MAP4: variants seen among roughly 807,000 people sequenced by gnomAD.
The protein encoded by MAP4 is microtubule associated protein 4.
MAP4 carries 76 observed loss-of-function variants against 170.2 expected under a neutral mutation model. The ratio of observed to expected loss-of-function variants is 0.45; its 90% confidence interval spans 0.37 to 0.54. The LOEUF is 0.54. Among genes scored for constraint, MAP4 ranks in the 20% least tolerant of loss-of-function variants. The probability of loss-of-function intolerance (pLI) is 0.00; values close to 1 mark genes in which losing one functional copy is unlikely to be tolerated. For missense variants in MAP4, 2,506 were observed against 2,748.0 expected, an observed-to-expected ratio of 0.91 and a Z score of 1.97; for synonymous variants, 909 against 994.5, an observed-to-expected ratio of 0.91 and a Z score of 1.62.
Position 47,877,461 on chromosome 3 carries a change from G to C in MAP4, c.5497C>G (p.Pro1833Ala). ...CTTGGTGGGAGCTCCTTGTTCGGTG[G>C]GGTGGTGATGTCATTTCCTGTCCCA... ...VSGTGNDITT[P>A]PNKELPPSPE... Residue 1833 changes from proline to alanine, a missense_variant, in exon 11 of 21, where the codon CCA becomes GCA. Physicochemically the swap from Pro to Ala is conservative, Grantham distance 27. This residue lies in a region of MAP4 where 2,008 missense variants were observed against 2,206.0 expected (regional missense o/e 0.91). Coordinates refer to ENST00000683076, the MANE Select transcript of MAP4 (RefSeq NM_001385682.1). 6.2e-7 allele frequency: 1 copy of C among 1,614,002 alleles called. No individual in the cohort carries two copies. Among genetic ancestry groups the C allele is most frequent in the Non-Finnish European group, 8.5e-7 (1 of 1,179,970 alleles).
intron 1 of MAP4, among the ~76,000 whole-genome samples, chr3:48,070,259 C>T (rs2100140304): frequency 6.6e-6 from 1 of 151,630 alleles, no homozygotes; most frequent in African/African-American, 2.4e-5. Context: ...GAACTCCTGG[C>T]CTCAAGTGAT....
chr3:47,944,053 T>TGTAA (rs2100058167), intron 3 of MAP4, among the ~76,000 whole-genome samples: 1 of 152,114 alleles, frequency 6.6e-6, no homozygotes, highest in African/African-American at 2.4e-5. Context: ...GGCTCACGCC[T>TGTAA]GTAATCTCAG....
At position 47,871,767 on chromosome 3, in the gene MAP4, G is replaced by T. The variant is rs1278930830; in HGVS notation, c.5941+150C>A. 6 of 676,096 alleles carry T rather than the reference G, an allele frequency of 8.9e-6. No homozygotes were observed. In the African/African-American group the frequency reaches 1.1e-4, roughly 12 times the overall value. The allele number at this position is 676,096 out of a possible 1,614,324, so 41.9% of individuals were successfully genotyped here. A position where few individuals can be genotyped will look rare whatever the true frequency, so the allele number is the denominator to read the frequency against. ...GCTTGTTAAGTACCAGGCCCACAGG[G>T]CTACCACTGTTCCAGGTAGTCCACT... is the stretch of plus-strand genomic sequence containing the variant. On this transcript the variant is annotated intron_variant, in intron 13 of 20. Coordinates refer to ENST00000683076, the MANE Select transcript of MAP4 (RefSeq NM_001385682.1).
At chr3:47,953,385 A>T (rs1458697927) in intron 3 of MAP4, among the ~76,000 whole-genome samples, 3 of 152,022 alleles carry the variant, frequency 2.0e-5, no homozygotes, top group Non-Finnish European at 4.4e-5. Flanking sequence ...AACCAGGCAC[A>T]GTGTCACATG....
rs555903825 is a variant in MAP4, at chr3:48,086,565, G to A, written c.-20+2208C>T. ...GTGGCAGGAGAACTGCTTGAACTCC[G>A]GAGGTAGAGTCTGCAGTGAGCCGAG... On this transcript the variant is annotated intron_variant, in intron 1 of 18. Transcript: ENST00000360240. Among the ~76,000 whole-genome samples, 57 of 152,298 alleles carry A rather than the reference G, an allele frequency of 3.7e-4. No individual in the cohort carries two copies. In the South Asian group the frequency reaches 0.011, roughly 29 times the overall value.
In MAP4 at chr3:47,910,108, G is replaced by A; in HGVS notation, c.4313C>T (p.Ala1438Val). 6.2e-7 allele frequency: 1 copy of A among 1,613,966 alleles called. No homozygotes were observed. Among genetic ancestry groups the A allele is most frequent in the Non-Finnish European group, 8.5e-7 (1 of 1,179,874 alleles). The stretch of plus-strand genomic sequence containing the variant: ...AGGAGTGGGCAGTTTTTCACAGGCT[G>A]CTGATTCCAGAACCTCTAGAGGAGA... ...KSSPLEVLES[A>V]ACEKLPTPTP... Residue 1438 changes from alanine to valine, a missense_variant, in exon 9 of 21, where the codon GCA (alanine) becomes GTA (valine). Physicochemically the swap from Ala to Val is moderately conservative, Grantham distance 64. Transcript: ENST00000683076.
rs9844808 is a variant in MAP4 at position 48,029,859 on chromosome 3, G to A, written c.-19-30980C>T. 8.5e-3 allele frequency among the ~76,000 whole-genome samples: 1,293 copies of A among 151,566 alleles called. 18 individuals carry two copies. Among genetic ancestry groups the A allele is most frequent in the South Asian group, 0.033 (156 of 4,784 alleles). ...TTAAAATACAAAAAATTAGCTGGGC[G>A]TGGTGGCATGCACCTGTAGTCCCAG... On this transcript the variant is annotated intron_variant, in intron 1 of 18. Transcript: ENST00000360240.
upstream of MAP4, among the ~76,000 whole-genome samples, chr3:48,019,700 C>A (rs898140356): frequency 2.0e-5 from 3 of 152,182 alleles, no homozygotes; most frequent in African/African-American, 7.2e-5. Flanking sequence ...GCCTGGGCAA[C>A]ACAGTTGAGA....
chr3:48,023,409 CA>C (rs1559809431), intron 1 of MAP4, among the ~76,000 whole-genome samples: 1 of 151,888 alleles, frequency 6.6e-6, no homozygotes, highest in African/African-American at 2.4e-5. Context: ...CAAGAAAGAA[CA>C]AAAAAGGAGA....
intron 1 of MAP4, among the ~76,000 whole-genome samples, chr3:48,080,372 A>T (rs1222656035): frequency 6.6e-6 from 1 of 152,222 alleles, no homozygotes; most frequent in African/African-American, 2.4e-5. Context: ...GAGGAGGAAG[A>T]AGTCCAGAAA....
intron 3 of MAP4, among the ~76,000 whole-genome samples, chr3:47,929,627 CAAAAAAAAAA>C (rs71070242): frequency 8.0e-4 from 9 of 11,206 alleles, no homozygotes; most frequent in South Asian, 8.4e-3. Context: ...ACTTATTATG[CAAAAAAAAAA>C]AAAAAAAAAA....
chr3:47,856,106 A>AG (rs985628455), intron 18 of MAP4, among the ~76,000 whole-genome samples: 36 of 152,166 alleles, frequency 2.4e-4, no homozygotes, highest in Non-Finnish European at 4.9e-4. Context: ...ACCAAGGGGA[A>AG]GGGTGCGGGA....
chr3:47,854,338 A>AC (rs1036299821), intron 19 of MAP4, among the ~76,000 whole-genome samples: 2 of 151,638 alleles, frequency 1.3e-5, no homozygotes, highest in African/African-American at 2.4e-5. Flanking sequence ...GGCAGCAAGG[A>AC]CCCCCCCAGA....
intron 1 of MAP4, among the ~76,000 whole-genome samples, chr3:48,038,348 T>G (rs886183917): frequency 6.6e-6 from 1 of 151,524 alleles, no homozygotes; most frequent in African/African-American, 2.4e-5. Flanking sequence ...TTTATCACCA[T>G]CCATGGCAAA....
Position 47,853,233 on chromosome 3 carries a change from G to A in MAP4, c.6816C>T (p.Gly2272=), listed in dbSNP as rs1170928435. The change falls in exon 20 of 21, where the codon GGC becomes GGT. Residue 2272 remains glycine (G), a synonymous_variant. Coordinates refer to ENST00000683076, the MANE Select transcript of MAP4 (RefSeq NM_001385682.1). ...GAPTSASGLN[G]HPTLSGGGDQ... Reference sequence around the variant, plus strand: ...CACCACCCCCTGACAGGGTGGGGTGGCCATTGAGGCCACTGGCTGAAGTGG... The same window carrying A: ...CACCACCCCCTGACAGGGTGGGGTGACCATTGAGGCCACTGGCTGAAGTGG... 1.9e-6 allele frequency: 3 copies of A among 1,582,524 alleles called. No individual in the cohort carries two copies. The highest frequency in any genetic ancestry group is 2.6e-6 in the Non-Finnish European group (3 of 1,162,840).
At chr3:47,952,332 C>A (rs1437892184) in intron 3 of MAP4, among the ~76,000 whole-genome samples, 4 of 152,044 alleles carry the variant, frequency 2.6e-5, no homozygotes, top group African/African-American at 9.7e-5. Context: ...GCCCGGCCGC[C>A]CCTACTGGGA....
intron 1 of MAP4, among the ~76,000 whole-genome samples, chr3:48,014,039 T>C (rs1282574028): frequency 6.6e-6 from 1 of 152,130 alleles, no homozygotes; most frequent in African/African-American, 2.4e-5. Context: ...GATGATAAAA[T>C]ACTCTCTTGA....
chr3:48,062,494 T>TAAAAAAAAA lies in MAP4; in HGVS notation c.-20+26270_-20+26278dup, dbSNP rs1156947592. Reference sequence around the variant, plus strand: ...GCGAGAAACACCCAAGAATGATCAATAAAAAAAAAAAAAAAAAAAAAAACA... The same window carrying TAAAAAAAAA: ...GCGAGAAACACCCAAGAATGATCAATAAAAAAAAAAAAAAAAAAAAAAAAAAAAAAAACA... On this transcript the variant is annotated intron_variant, in intron 1 of 18. Transcript: ENST00000360240. 5.0e-4 allele frequency among the ~76,000 whole-genome samples: 41 copies of TAAAAAAAAA among 81,506 alleles called. 1 individual carries two copies. Among genetic ancestry groups the TAAAAAAAAA allele is most frequent in the Admixed American group, 1.5e-3 (9 of 6,078 alleles). The allele number at this position is 81,506 out of a possible 152,430, so 53.5% of individuals were successfully genotyped here.
intron 10 of MAP4, among the ~76,000 whole-genome samples, chr3:47,887,117 C>T (rs2097721424): frequency 6.6e-6 from 1 of 152,378 alleles, no homozygotes; most frequent in Admixed American, 6.5e-5. Flanking sequence ...ACTTGAGGGG[C>T]CCTTTGGCCC....
Sources: allele counts gnomAD v4.1 joint callset (sites outside exome capture counted in the v4.1 genomes callset), GRCh38; gene constraint gnomAD v4.1.1; regional missense constraint gnomAD v4.1.1; transcripts MANE v1.5; gene names NCBI Gene and HGNC (gene_info 2026-07-23, HGNC 2026-07-21).